Variants in BBX observed in about 807,000 individuals in gnomAD.
The protein encoded by BBX is BBX high mobility group box domain containing.
Under a neutral mutation model 100.2 loss-of-function variants are expected in BBX, and 30 were observed. That is an observed-to-expected ratio of 0.30 (90% CI 0.22 to 0.41). BBX has a LOEUF of 0.41. Among genes scored for constraint, BBX ranks in the 10% least tolerant of loss-of-function variants. BBX has a pLI of 1.00. For missense variants in BBX, 1,023 were observed against 1,129.8 expected, an observed-to-expected ratio of 0.91 and a Z score of 1.35; for synonymous variants, 376 against 388.1, an observed-to-expected ratio of 0.97 and a Z score of 0.37.
At chr3:107,684,925 A>T (rs1365147565) in intron 3 of BBX, among the ~76,000 whole-genome samples, 1 of 152,194 alleles carries the variant, frequency 6.6e-6, no homozygotes, top group Non-Finnish European at 1.5e-5. Context: ...TAGAAGTGCC[A>T]GTCCTTTTTT....
intron 10 of BBX, among the ~76,000 whole-genome samples, chr3:107,763,710 A>T (rs74325311): frequency 1.2e-3 from 186 of 152,308 alleles, no homozygotes; most frequent in African/African-American, 4.4e-3. Flanking sequence ...AACTTTTTAT[A>T]CATGGTCTAA....
chr3:107,779,036 CAT>C (rs1214925612), intron 13 of BBX, among the ~76,000 whole-genome samples: 8,636 of 88,256 alleles, frequency 0.098, 496 homozygotes, highest in Non-Finnish European at 0.16. Context: ...CACACACACA[CAT>C]ATACATTGGT....
rs770562319 is a variant in BBX at position 107,773,627 on chromosome 3, G to A, written c.1906G>A (p.Val636Ile). Reference protein sequence around the residue: ...EGMLTSLRANVDRGKRSSGKG... With the variant: ...EGMLTSLRANIDRGKRSSGKG... The stretch of plus-strand genomic sequence containing the variant: ...CATGCTCACCTCTCTGCGAGCTAAT[G>A]TTGACAGAGGTAAGTAACTTCTACA... The change falls in exon 11 of 18, where the codon GTT becomes ATT. Residue 636 changes from valine to isoleucine, a missense_variant. This residue lies in a region of BBX where 215 missense variants were observed against 211.3 expected (regional missense o/e 1.02). Coordinates refer to ENST00000325805, the MANE Select transcript of BBX (RefSeq NM_001142568.3). The surrounding 1 kb of genome is among the most constrained non-coding windows in gnomAD (Gnocchi z 4.1). 1.9e-6 allele frequency: 3 copies of A among 1,606,950 alleles called. No homozygotes were observed. Among genetic ancestry groups the A allele is most frequent in the Non-Finnish European group, 2.5e-6 (3 of 1,177,450 alleles).
intron 16 of BBX, among the ~76,000 whole-genome samples, chr3:107,800,741 C>G (rs1422299163): frequency 6.6e-6 from 1 of 152,202 alleles, no homozygotes; most frequent in African/African-American, 2.4e-5. Flanking sequence ...TTTAAGGGCT[C>G]TTTTACAGCA....
chr3:107,691,736 G>T (rs2060182906), intron 3 of BBX, among the ~76,000 whole-genome samples: 1 of 152,268 alleles, frequency 6.6e-6, no homozygotes, highest in East Asian at 1.9e-4. Context: ...ATTCAAGGCA[G>T]TATTCTAAGC....
At chr3:107,778,890 C>T (rs1173959376) in intron 13 of BBX, among the ~76,000 whole-genome samples, 1 of 150,860 alleles carries the variant, frequency 6.6e-6, no homozygotes, top group East Asian at 1.9e-4. Flanking sequence ...AGGTTGAACT[C>T]GGGGACTGTA....
At chr3:107,534,220 A>T (rs1220894444) in intron 2 of BBX, among the ~76,000 whole-genome samples, 1 of 152,224 alleles carries the variant, frequency 6.6e-6, no homozygotes, top group African/African-American at 2.4e-5. Context: ...AGTAATTCAG[A>T]GGGACTCTTA....
In BBX at chr3:107,809,685, A is replaced by C. The variant is rs1341774166; in HGVS notation, c.*4228A>C. 1 of 152,264 alleles carries C rather than the reference A, an allele frequency of 6.6e-6. No homozygotes were observed. Among genetic ancestry groups the C allele is most frequent in the South Asian group, 2.1e-4 (1 of 4,830 alleles). The allele number at this position is 152,264 out of a possible 1,614,324, so 9.4% of individuals were successfully genotyped here. A position where few individuals can be genotyped will look rare whatever the true frequency, so the allele number is the denominator to read the frequency against. On this transcript the variant is annotated 3_prime_UTR_variant, in exon 18 of 18. Transcript: ENST00000325805. ...GAACAATGTATTGCTGAAAATGGGC[A>C]GTAGAAGCAAATGCTGTTGTTACAT...
intron 5 of BBX, among the ~76,000 whole-genome samples, chr3:107,720,667 A>T (rs2062465085): frequency 6.6e-6 from 1 of 152,040 alleles, no homozygotes; most frequent in Non-Finnish European, 1.5e-5. Flanking sequence ...AATAAAATGC[A>T]ACTTGAAGGT....
rs182278839 is a variant in BBX at position 107,527,653 on chromosome 3, A to G, written c.-84+1255A>G. Among the ~76,000 whole-genome samples the G allele has an allele frequency of 1.1e-4, 17 of 152,340 alleles. No homozygotes were observed. The East Asian group carries it at 2.1e-3, about 19-fold the overall frequency. ...ATATGTTTTGCATCGAACATTTTCT[A>G]TGGAATATAAATATTGCATTACTGC... On this transcript the variant is annotated intron_variant, in intron 2 of 17. Coordinates refer to ENST00000325805, the MANE Select transcript of BBX (RefSeq NM_001142568.3).
At chr3:107,704,083 A>G (rs1014846262) in intron 3 of BBX, among the ~76,000 whole-genome samples, 4 of 152,166 alleles carry the variant, frequency 2.6e-5, no homozygotes, top group African/African-American at 9.7e-5. Flanking sequence ...TCTACTTGCC[A>G]TGTTATCCTG....
At chr3:107,546,524 A>G (rs1332228184) in intron 2 of BBX, among the ~76,000 whole-genome samples, 2 of 152,198 alleles carry the variant, frequency 1.3e-5, no homozygotes, top group East Asian at 3.8e-4. Flanking sequence ...ACATCATCTT[A>G]TCTTACATGA....
chr3:107,671,127 T>G (rs1315923983), intron 3 of BBX, among the ~76,000 whole-genome samples: 1 of 151,806 alleles, frequency 6.6e-6, no homozygotes, highest in African/African-American at 2.4e-5. Context: ...CAACCTGCGC[T>G]TCCTTCAGTG....
intron 2 of BBX, among the ~76,000 whole-genome samples, chr3:107,589,926 T>G (rs1159479230): frequency 1.3e-5 from 2 of 152,206 alleles, no homozygotes; most frequent in African/African-American, 4.8e-5. Context: ...TTCTTTATGC[T>G]TTTATTTTAT....
At chr3:107,724,381 T>G (rs1368402154) in intron 5 of BBX, among the ~76,000 whole-genome samples, 1 of 152,104 alleles carries the variant, frequency 6.6e-6, no homozygotes, top group Non-Finnish European at 1.5e-5. Flanking sequence ...GATGGTAGTT[T>G]CTTTTGCTGT....
intron 2 of BBX, among the ~76,000 whole-genome samples, chr3:107,558,247 G>A (rs1576299437): frequency 6.6e-6 from 1 of 152,320 alleles, no homozygotes; most frequent in East Asian, 1.9e-4. Flanking sequence ...CCCACTTTGG[G>A]AGGCCAAGGC....
intron 2 of BBX, among the ~76,000 whole-genome samples, chr3:107,543,950 G>C (rs1321854871): frequency 6.6e-6 from 1 of 152,292 alleles, no homozygotes; most frequent in East Asian, 1.9e-4. Context: ...GAAATATTGC[G>C]ACCACATACC....
chr3:107,712,278 A>T (rs532978332), intron 4 of BBX, among the ~76,000 whole-genome samples: 160 of 152,260 alleles, frequency 1.1e-3, no homozygotes, highest in Middle Eastern at 0.01. Flanking sequence ...CTAGGCCTCC[A>T]ATCTTAATTT....
At chr3:107,642,603 G>C (rs1352038830) in intron 2 of BBX, among the ~76,000 whole-genome samples, 2 of 152,176 alleles carry the variant, frequency 1.3e-5, no homozygotes, top group Non-Finnish European at 2.9e-5. Flanking sequence ...ACATGTAGTT[G>C]AAAGCAGTCA....
Sources: allele counts gnomAD v4.1 joint callset (sites outside exome capture counted in the v4.1 genomes callset), GRCh38; gene constraint gnomAD v4.1.1; regional missense constraint gnomAD v4.1.1; non-coding constraint Gnocchi (gnomAD v3.1); transcripts MANE v1.5; gene names NCBI Gene and HGNC (gene_info 2026-07-23, HGNC 2026-07-21).